Variants in LRRC27 observed in about 807,000 individuals in gnomAD.
LRRC27 encodes the protein leucine-rich repeat-containing protein 27.
LRRC27 carries 57 observed loss-of-function variants against 55.0 expected under a neutral mutation model. The ratio of observed to expected loss-of-function variants is 1.04; its 90% CI spans 0.84 to 1.29. LRRC27 has a LOEUF of 1.29. Ranked by LOEUF, LRRC27 falls within the 50% of genes most tolerant of loss-of-function variation. The pLI, the probability that LRRC27 is intolerant of heterozygous loss-of-function variation, is 0.00. For synonymous variants in LRRC27, 278 were observed against 251.9 expected (o/e 1.10, Z -0.98); for missense variants, 721 against 651.5 (o/e 1.11, Z -1.16).
At chr10:132,340,356 C>T (rs1173532948) in intron 3 of LRRC27, among the ~76,000 whole-genome samples, 2 of 152,004 alleles carry the variant, frequency 1.3e-5, no homozygotes, top group Non-Finnish European at 2.9e-5. Flanking sequence ...TAAACATGCA[C>T]CCCCCGCAAT....
chr10:132,336,702 T>C (rs2067149308), intron 2 of LRRC27: 2 of 715,472 alleles, frequency 2.8e-6, no homozygotes, highest in Admixed American at 2.1e-5. Flanking sequence ...TTGCTCAAGG[T>C]CACACAGCCA....
rs574198854 is a variant in LRRC27, at chr10:132,373,000, G to A, written c.1417-2066G>A. Among the ~76,000 whole-genome samples the A allele has an allele frequency of 6.6e-6, 1 of 152,070 alleles. No individual in the cohort carries two copies. Among genetic ancestry groups the A allele is most frequent in the East Asian group, 1.9e-4 (1 of 5,190 alleles). On this transcript the variant is annotated intron_variant, in intron 10 of 10. Coordinates refer to ENST00000368614, the MANE Select transcript of LRRC27 (RefSeq NM_030626.3). This position sits in a 1 kb window ranked among gnomAD's most constrained non-coding sequence, Gnocchi z 4.0. ...GGCCAAAGCCAGCCGGCTGGGGAGC[G>A]AGCTTCGAATGGATGCGAACATTAG...
intron 9 of LRRC27, among the ~76,000 whole-genome samples, chr10:132,364,517 T>TTCCA (rs1564853870): frequency 1.2e-4 from 1 of 8,180 alleles, no homozygotes. Context: ...ACCTCCACAC[T>TTCCA]CGCACTTACA....
At chr10:132,349,187 A>G (rs2067881544) in intron 6 of LRRC27, 9 of 705,080 alleles carry the variant, frequency 1.3e-5, no homozygotes, top group African/African-American at 3.5e-5. Flanking sequence ...CAAGGGGCAC[A>G]TTGTCATAGC....
At chr10:132,351,324 C>G in intron 6 of LRRC27, 1 of 368,258 alleles carries the variant, frequency 2.7e-6, no homozygotes, top group Non-Finnish European at 5.1e-6. Context: ...GGCTGCACGT[C>G]CTTCAGGTGC....
At chr10:132,356,684 A>G (rs1189610269) in intron 8 of LRRC27, among the ~76,000 whole-genome samples, 1 of 152,168 alleles carries the variant, frequency 6.6e-6, no homozygotes, top group Non-Finnish European at 1.5e-5. Context: ...CTCTCTTCCC[A>G]TTTTCCCCAG....
chr10:132,346,009 C>T (rs1018375146), intron 5 of LRRC27, among the ~76,000 whole-genome samples: 3 of 152,322 alleles, frequency 2.0e-5, no homozygotes, highest in South Asian at 2.1e-4. Flanking sequence ...AGCGATGGGA[C>T]GCTCCTGGTT....
In LRRC27 at chr10:132,380,296, CAAA is replaced by C. The variant is rs57657423; in HGVS notation, c.*5065_*5067del. Among the ~76,000 whole-genome samples, 1 of 142,386 alleles carries C rather than the reference CAAA, an allele frequency of 7.0e-6. No homozygotes were observed. Among genetic ancestry groups the C allele is most frequent in the East Asian group, 2.1e-4 (1 of 4,706 alleles). The allele number at this position is 142,386 out of a possible 152,430, so 93.4% of individuals were successfully genotyped here. A position where few individuals can be genotyped will look rare whatever the true frequency, so the allele number is the denominator to read the frequency against. ...GGGCAACAAGAGCAAAACTCTGTCT[CAAA>C]AAAAAAAAAATGCAGCATTAAATTA... On this transcript the variant is annotated 3_prime_UTR_variant, in exon 11 of 11. Transcript: ENST00000368614.
intron 7 of LRRC27, among the ~76,000 whole-genome samples, chr10:132,354,365 C>T (rs1472328646): frequency 2.0e-5 from 3 of 152,226 alleles, no homozygotes; most frequent in South Asian, 2.1e-4. Context: ...CTGTGGACAG[C>T]GTCACCCCTT....
upstream of LRRC27, chr10:132,330,361 TGAA>T (rs1405897554): frequency 2.9e-6 from 2 of 695,216 alleles, no homozygotes; most frequent in African/African-American, 3.5e-5. Context: ...AGCATCGTGC[TGAA>T]ATCTTCCATC....
chr10:132,349,495 G>A (rs1003296270), intron 6 of LRRC27, among the ~76,000 whole-genome samples: 5 of 152,184 alleles, frequency 3.3e-5, no homozygotes, highest in Non-Finnish European at 5.9e-5. Context: ...GCTCCAGCAC[G>A]CTTGTGGTGT....
At chr10:132,363,638 C>T (rs1317537713) in intron 9 of LRRC27, among the ~76,000 whole-genome samples, 2 of 152,204 alleles carry the variant, frequency 1.3e-5, no homozygotes, top group African/African-American at 2.4e-5. Context: ...GTGGCTCTCA[C>T]TGAAAGCGCC....
chr10:132,363,767 A>G (rs2068762589), intron 9 of LRRC27, among the ~76,000 whole-genome samples: 1 of 152,092 alleles, frequency 6.6e-6, no homozygotes, highest in African/African-American at 2.4e-5. Flanking sequence ...CACTCAGTTT[A>G]ACGTACCCTG....
intron 4 of LRRC27, among the ~76,000 whole-genome samples, chr10:132,342,562 T>C (rs2067467693): frequency 6.6e-6 from 1 of 152,240 alleles, no homozygotes; most frequent in African/African-American, 2.4e-5. Flanking sequence ...CTGCAGGCCC[T>C]GCGTGCTGTC....
chr10:132,351,517 A>G, intron 6 of LRRC27, 90 bp from the exon 7 acceptor site: 1 of 1,435,192 alleles, frequency 7.0e-7, no homozygotes, highest in Non-Finnish European at 9.6e-7. Context: ...CGGATGATCC[A>G]CAGGCCCTCC....
intron 2 of LRRC27, chr10:132,336,922 A>C (rs7085610): frequency 0.065 from 41,955 of 645,560 alleles, 1,755 homozygotes; most frequent in African/African-American, 0.15. Flanking sequence ...TGAATGTTAT[A>C]TGCATTTTAC....
intron 3 of LRRC27, among the ~76,000 whole-genome samples, chr10:132,339,916 TTG>T (rs1246292921): frequency 6.6e-6 from 1 of 152,258 alleles, no homozygotes; most frequent in Admixed American, 6.5e-5. Context: ...ATACTTTTAT[TTG>T]TGATTTGTAA....
At chr10:132,344,476 G>A (rs1564828899) in intron 4 of LRRC27, 22 bp from the exon 5 acceptor site, 1 of 1,553,782 alleles carries the variant, frequency 6.4e-7, no homozygotes, top group African/African-American at 1.4e-5. Flanking sequence ...AATGCTGACA[G>A]TTTTTTTTTC....
In LRRC27 at chr10:132,348,374, C is replaced by T. The variant is rs370573518; in HGVS notation, c.926+18C>T. The stretch of plus-strand genomic sequence containing the variant: ...GTTTTCAGGTAAAACTGAAAAGCAA[C>T]GGGGGATTTTCTTGATCTTTGCGAA... On this transcript the variant is annotated intron_variant, in intron 6 of 10. Coordinates refer to ENST00000368614, the MANE Select transcript of LRRC27 (RefSeq NM_030626.3). This position sits in a 1 kb window ranked among gnomAD's most constrained non-coding sequence, Gnocchi z 4.2. The T allele has an allele frequency of 5.7e-5, 91 of 1,597,010 alleles. 1 individual carries two copies. Among genetic ancestry groups the T allele is most frequent in the Non-Finnish European group, 7.3e-5 (85 of 1,170,714 alleles).
Sources: gnomAD v4.1 joint callset for allele counts (sites outside exome capture counted in the v4.1 genomes callset) on GRCh38, gnomAD v4.1.1 for gene constraint, Gnocchi (gnomAD v3.1) non-coding constraint, MANE v1.5 for transcripts, NCBI Gene and HGNC (gene_info 2026-07-23, HGNC 2026-07-21) for gene names.